AIG1: variants seen among roughly 807,000 people sequenced by gnomAD.
AIG1 encodes androgen induced 1, also known as androgen-induced gene 1 protein.
Under a neutral mutation model 31.4 loss-of-function variants are expected in AIG1, and 23 were observed. The ratio of observed to expected loss-of-function variants is 0.73; its 90% confidence interval spans 0.53 to 1.04. The LOEUF is 1.04. Among genes scored for constraint, AIG1 ranks in the 50% least tolerant of loss-of-function variants. The probability of loss-of-function intolerance (pLI) is 0.00; values close to 1 mark genes in which losing one functional copy is unlikely to be tolerated. For missense variants in AIG1, 274 were observed against 295.0 expected (o/e 0.93, Z 0.52); for synonymous variants, 100 against 110.5 (o/e 0.90, Z 0.60).
downstream of AIG1, chr6:143,343,425 C>T (rs144399524): frequency 4.0e-6 from 2 of 495,910 alleles, no homozygotes; most frequent in African/African-American, 2.0e-5. Context: ...CTTGTCCTGC[C>T]GGAGAGCCCC....
intron 4 of AIG1, among the ~76,000 whole-genome samples, chr6:143,296,804 A>G (rs914571935): frequency 6.6e-6 from 1 of 152,170 alleles, no homozygotes; most frequent in African/African-American, 2.4e-5. Context: ...AAGTAGACCC[A>G]TTTCCCTAAT....
intron 1 of AIG1, among the ~76,000 whole-genome samples, chr6:143,124,305 G>A (rs1375105594): frequency 6.6e-6 from 1 of 152,234 alleles, no homozygotes; most frequent in African/African-American, 2.4e-5. Context: ...CATCAGTGGT[G>A]TAGGTGTAAG....
chr6:143,223,297 C>A (rs1236298366), intron 3 of AIG1, among the ~76,000 whole-genome samples: 1 of 152,168 alleles, frequency 6.6e-6, no homozygotes, highest in Non-Finnish European at 1.5e-5. Context: ...GCCTCCCAAT[C>A]TGTGCTGTAA....
At chr6:143,219,327 A>T (rs749843658) in intron 3 of AIG1, among the ~76,000 whole-genome samples, 6 of 152,134 alleles carry the variant, frequency 3.9e-5, no homozygotes, top group Non-Finnish European at 8.8e-5. Flanking sequence ...CAGTCAGGCC[A>T]GGTGTGGTGG....
intron 4 of AIG1, among the ~76,000 whole-genome samples, chr6:143,312,490 A>G (rs1173487032): frequency 6.6e-6 from 1 of 152,122 alleles, no homozygotes; most frequent in Non-Finnish European, 1.5e-5. Context: ...TGTTGCTGGG[A>G]AAACCGGATA....
rs4896631 is a variant in AIG1, at chr6:143,256,049, G to C, written c.400-28061G>C. 0.01 allele frequency among the ~76,000 whole-genome samples: 1,566 copies of C among 152,208 alleles called. 44 individuals are homozygous for C. Among genetic ancestry groups the C allele is most frequent in the East Asian group, 0.065 (338 of 5,188 alleles). ...GTTTTGGAGTCTTCCTTTACAAATGGTGGCTTAGGTGCTTGAGCAAATATA... is the reference window on the plus strand; with the variant it reads ...GTTTTGGAGTCTTCCTTTACAAATGCTGGCTTAGGTGCTTGAGCAAATATA... On this transcript the variant is annotated intron_variant, in intron 3 of 5. Transcript: ENST00000357847. This position sits in a 1 kb window ranked among gnomAD's most constrained non-coding sequence, Gnocchi z 4.6.
chr6:143,324,375 A>G (rs1473541925), intron 4 of AIG1, among the ~76,000 whole-genome samples: 1 of 152,244 alleles, frequency 6.6e-6, no homozygotes, highest in Admixed American at 6.5e-5. Flanking sequence ...CACATTTTCT[A>G]TAATGAGCAT....
At chr6:143,231,634 G>C (rs1191326006) in intron 3 of AIG1, among the ~76,000 whole-genome samples, 1 of 152,206 alleles carries the variant, frequency 6.6e-6, no homozygotes, top group Non-Finnish European at 1.5e-5. Flanking sequence ...GAAGTTAGCT[G>C]TAATAGTATA....
chr6:143,095,337 A>G (rs1779657073), intron 1 of AIG1, among the ~76,000 whole-genome samples: 1 of 152,210 alleles, frequency 6.6e-6, no homozygotes, highest in Admixed American at 6.5e-5. Flanking sequence ...TTAAAAGACT[A>G]CTGTATGAAT....
rs976660702 is a variant in AIG1 at position 143,268,214 on chromosome 6, A to G, written c.400-15896A>G. 1.1e-4 allele frequency among the ~76,000 whole-genome samples: 16 copies of G among 152,126 alleles called. No homozygotes were observed. The highest frequency in any genetic ancestry group is 8.5e-4 in the Admixed American group (13 of 15,266). On this transcript the variant is annotated intron_variant, in intron 3 of 5. Transcript: ENST00000357847. The surrounding 1 kb of genome is among the most constrained non-coding windows in gnomAD (Gnocchi z 5.0). ...GGGCCATAAGGAGGAATAAAACCAAAGGTTGGTTGTGTGATCTACATGTGG... is the reference window on the plus strand; with the variant it reads ...GGGCCATAAGGAGGAATAAAACCAAGGGTTGGTTGTGTGATCTACATGTGG...
rs145525817 is a variant in AIG1, at chr6:143,173,408, T to G, written c.399+8225T>G. Among the ~76,000 whole-genome samples the G allele has an allele frequency of 2.3e-3, 355 of 152,282 alleles. 1 individual carries two copies. The highest frequency in any genetic ancestry group is 8.2e-3 in the African/African-American group (342 of 41,558). ...TTTAATTCTGCTGAGATCTTGGTTA[T>G]TTCTTTTCTTCGGTTGGGTTTGGAT... On this transcript the variant is annotated intron_variant, in intron 3 of 5. Transcript: ENST00000357847.
At position 143,334,758 on chromosome 6, in the gene AIG1, A is replaced by G. The variant is rs1777345501; in HGVS notation, c.679+1313A>G. Among the ~76,000 whole-genome samples, 1 of 152,192 alleles carries G rather than the reference A, an allele frequency of 6.6e-6. No individual in the cohort carries two copies. Among genetic ancestry groups the G allele is most frequent in the Admixed American group, 6.5e-5 (1 of 15,270 alleles). On this transcript the variant is annotated intron_variant, in intron 5 of 5. Coordinates refer to ENST00000357847, the MANE Select transcript of AIG1 (RefSeq NM_016108.4). This position sits in a 1 kb window ranked among gnomAD's most constrained non-coding sequence, Gnocchi z 5.1. ...GAAGAAAAACTGTATTTAAACTTAA[A>G]CGAATGTGTCCAATATATGTTATTC... is the stretch of plus-strand genomic sequence containing the variant.
In AIG1 at chr6:143,299,379, C is replaced by T. The variant is rs544436571; in HGVS notation, c.515+15154C>T. On this transcript the variant is annotated intron_variant, in intron 4 of 5. Transcript: ENST00000357847. This position sits in a 1 kb window ranked among gnomAD's most constrained non-coding sequence, Gnocchi z 4.1. ...GGCAGGTGTAACTGTCATAGAAGGG[C>T]ATTGTGTGGGTGCCACAATCATCTA... is the stretch of plus-strand genomic sequence containing the variant. 2 of 152,314 alleles carry T rather than the reference C, an allele frequency of 1.3e-5. No homozygotes were observed. Among genetic ancestry groups the T allele is most frequent in the East Asian group, 3.9e-4 (2 of 5,174 alleles). 9.4% of individuals were successfully genotyped at this position (152,314 alleles called of 1,614,324 possible).
At chr6:143,265,514 C>T (rs1175650630) in intron 3 of AIG1, among the ~76,000 whole-genome samples, 1 of 152,158 alleles carries the variant, frequency 6.6e-6, no homozygotes, top group African/African-American at 2.4e-5. Context: ...CCTCTAGCTG[C>T]CTGGCGGTCC....
At position 143,165,095 on chromosome 6, in the gene AIG1, T is replaced by G. The variant is rs1159594270; in HGVS notation, c.311T>G (p.Val104Gly). 1 of 1,612,024 alleles carries G rather than the reference T, an allele frequency of 6.2e-7. No individual in the cohort carries two copies. Among genetic ancestry groups the G allele is most frequent in the Non-Finnish European group, 8.5e-7 (1 of 1,178,330 alleles). Residue 104 changes from valine (V) to glycine (G), a missense_variant, in exon 3 of 6, where the codon GTG becomes GGG. Val to Gly is a moderately radical substitution (Grantham distance 109, BLOSUM62 -3). Around this residue, in one of 2 missense-constraint regions of AIG1, gnomAD observed 243 missense variants for 238.5 expected, o/e 1.02. Coordinates refer to ENST00000357847, the MANE Select transcript of AIG1 (RefSeq NM_016108.4). ...TTTTCCTTCCAGTTTGTTGTAGCAGTGTTCTGGATCATTTATGCCTATGAC... is the reference window on the plus strand; with the variant it reads ...TTTTCCTTCCAGTTTGTTGTAGCAGGGTTCTGGATCATTTATGCCTATGAC... ...AFPVGVFVVA[V>G]FWIIYAYDRE...
At chr6:143,215,118 TG>T (rs1791926021) in intron 3 of AIG1, among the ~76,000 whole-genome samples, 1 of 152,170 alleles carries the variant, frequency 6.6e-6, no homozygotes, top group Non-Finnish European at 1.5e-5. Flanking sequence ...TAGGTCTTGT[TG>T]AATTAATGAA....
intron 4 of AIG1, among the ~76,000 whole-genome samples, chr6:143,307,936 G>A (rs1369087719): frequency 6.6e-6 from 1 of 152,252 alleles, no homozygotes; most frequent in Non-Finnish European, 1.5e-5. Flanking sequence ...CAGCCTCGCT[G>A]CCGCCTTGCA....
chr6:143,192,752 A>G (rs1216145490), intron 3 of AIG1, among the ~76,000 whole-genome samples: 1 of 152,238 alleles, frequency 6.6e-6, no homozygotes, highest in Admixed American at 6.5e-5. Context: ...TGAAGGAGAC[A>G]AATATCCAAA....
chr6:143,343,096 G>A, downstream of AIG1: 2 of 772,550 alleles, frequency 2.6e-6, no homozygotes, highest in Middle Eastern at 2.6e-4. Context: ...GATGATCCTC[G>A]CAGCTGTCCG....
Sources: gnomAD v4.1 joint callset for allele counts (sites outside exome capture counted in the v4.1 genomes callset) on GRCh38, gnomAD v4.1.1 for gene constraint, gnomAD v4.1.1 regional missense constraint, Gnocchi (gnomAD v3.1) non-coding constraint, MANE v1.5 for transcripts, NCBI Gene and HGNC (gene_info 2026-07-23, HGNC 2026-07-21) for gene names.